The following WDR37 variants were observed in gnomAD, a reference collection of about 807,000 sequenced individuals.
The protein encoded by WDR37 is WD repeat-containing protein 37.
Under a neutral mutation model 62.9 loss-of-function variants are expected in WDR37, and 19 were observed. The ratio of observed to expected loss-of-function variants is 0.30; its 90% CI spans 0.21 to 0.44. WDR37 has a LOEUF of 0.44. WDR37 is among the 20% of genes least tolerant of loss of function. The pLI, the probability that WDR37 is intolerant of heterozygous loss-of-function variation, is 1.00. For missense variants in WDR37, 474 were observed against 657.6 expected, an observed-to-expected ratio of 0.72 and a Z score of 3.05; for synonymous variants, 250 against 260.9, an observed-to-expected ratio of 0.96 and a Z score of 0.40.
At chr10:1,096,732 G>T (rs1157268527) in intron 9 of WDR37, 1 of 156,006 alleles carries the variant, frequency 6.4e-6, no homozygotes, top group Non-Finnish European at 1.4e-5. Flanking sequence ...CCGACGGTGT[G>T]GACCTGGCTT....
chr10:1,127,080 G>A (rs1298673220), intron 13 of WDR37, among the ~76,000 whole-genome samples: 1 of 152,180 alleles, frequency 6.6e-6, no homozygotes. Flanking sequence ...TTTTCAATGT[G>A]CCCATGCGGA....
chr10:1,118,967 T>C (rs879502864), intron 11 of WDR37, among the ~76,000 whole-genome samples: 2 of 152,192 alleles, frequency 1.3e-5, no homozygotes, highest in Non-Finnish European at 2.9e-5. Context: ...TACTTACTGC[T>C]CCTGAACATT....
In WDR37 at chr10:1,131,065, A is replaced by G. The variant is rs1216095340; in HGVS notation, c.*1721A>G. The G allele has an allele frequency of 6.6e-6, 1 of 152,248 alleles. No homozygotes were observed. Among genetic ancestry groups the G allele is most frequent in the East Asian group, 1.9e-4 (1 of 5,204 alleles). 9.4% of individuals were successfully genotyped at this position (152,248 alleles called of 1,614,324 possible). A position where few individuals can be genotyped will look rare whatever the true frequency, so the allele number is the denominator to read the frequency against. ...ATTATTTCCTGACTGCACTGTTCTG[A>G]GAATGGAGTCCACCTGGTCCCTCTG... On this transcript the variant is annotated 3_prime_UTR_variant, in exon 14 of 14. Coordinates refer to ENST00000263150, the MANE Select transcript of WDR37 (RefSeq NM_014023.4).
chr10:1,089,891 G>C (rs976743580), intron 7 of WDR37, among the ~76,000 whole-genome samples: 7 of 152,232 alleles, frequency 4.6e-5, no homozygotes, highest in African/African-American at 1.4e-4. Context: ...GAAGACGCCT[G>C]TGTTTCTGGC....
intron 5 of WDR37, among the ~76,000 whole-genome samples, chr10:1,082,664 A>G (rs1355924384): frequency 6.6e-6 from 1 of 152,126 alleles, no homozygotes; most frequent in African/African-American, 2.4e-5. Context: ...CAGCTTTTCT[A>G]AGGAAAAAGA....
intron 7 of WDR37, 23 bp downstream of exon 7, chr10:1,086,380 C>G (rs371905927): frequency 2.5e-6 from 4 of 1,599,046 alleles, no homozygotes; most frequent in Non-Finnish European, 3.4e-6. Flanking sequence ...TAAGGAGTGC[C>G]GTAGCCAGAG....
Position 1,103,852 on chromosome 10 carries a change from G to C in WDR37, c.961+16G>C. The stretch of plus-strand genomic sequence containing the variant: ...TCTCTGACAGGTGCCTGGGTTCTCT[G>C]AGTCCGCCGCCTCCTGGCTGTGCAT... On this transcript the variant is annotated intron_variant, in intron 10 of 13. Transcript: ENST00000263150. The surrounding 1 kb of genome is among the most constrained non-coding windows in gnomAD (Gnocchi z 6.3). 6.2e-7 allele frequency: 1 copy of C among 1,612,460 alleles called. No homozygotes were observed. Among genetic ancestry groups the C allele is most frequent in the Non-Finnish European group, 8.5e-7 (1 of 1,178,720 alleles).
intron 8 of WDR37, among the ~76,000 whole-genome samples, chr10:1,094,502 G>C (rs1025547131): frequency 6.6e-6 from 1 of 152,222 alleles, no homozygotes; most frequent in African/African-American, 2.4e-5. Flanking sequence ...GTTAGCCTGA[G>C]AGTCATTTTG....
At chr10:1,081,688 A>G (rs1834034906) in intron 5 of WDR37, among the ~76,000 whole-genome samples, 2 of 152,272 alleles carry the variant, frequency 1.3e-5, no homozygotes, top group African/African-American at 2.4e-5. Flanking sequence ...TATACTTACA[A>G]GTTTTGAACT....
intron 11 of WDR37, among the ~76,000 whole-genome samples, chr10:1,108,685 G>T (rs1345296362): frequency 2.0e-5 from 3 of 148,950 alleles, no homozygotes; most frequent in African/African-American, 7.5e-5. Context: ...CCTGCACTTT[G>T]TTGGTGTTGG....
chr10:1,069,389 A>ATTTT (rs377212232), intron 1 of WDR37, among the ~76,000 whole-genome samples: 9 of 95,778 alleles, frequency 9.4e-5, no homozygotes, highest in African/African-American at 3.7e-4. Flanking sequence ...ATATATATAT[A>ATTTT]TTTTTTTTTT....
chr10:1,129,069 T>G lies in WDR37; in HGVS notation c.1354-144T>G. On this transcript the variant is annotated intron_variant, in intron 13 of 13. Coordinates refer to ENST00000263150, the MANE Select transcript of WDR37 (RefSeq NM_014023.4). The stretch of plus-strand genomic sequence containing the variant: ...TCCATGCTTGGTGGTCCGTGCTCGG[T>G]GGTCCATGGGACTGATCCTGCACAC... 3 of 1,156,350 alleles carry G rather than the reference T, an allele frequency of 2.6e-6. No individual in the cohort carries two copies. The African/African-American group carries it at 4.7e-5, about 18-fold the overall frequency. 71.6% of individuals were successfully genotyped at this position (1,156,350 alleles called of 1,614,324 possible). A position where few individuals can be genotyped will look rare whatever the true frequency, so the allele number is the denominator to read the frequency against.
At chr10:1,072,004 G>C in intron 1 of WDR37, 112 bp from the exon 2 acceptor site, 1 of 762,482 alleles carries the variant, frequency 1.3e-6, no homozygotes, top group Non-Finnish European at 2.0e-6. Flanking sequence ...TATAGTTAAT[G>C]TTAACTATAG....
intron 5 of WDR37, among the ~76,000 whole-genome samples, chr10:1,083,892 A>T (rs1483808787): frequency 6.6e-6 from 1 of 152,120 alleles, no homozygotes. Context: ...ATTCCTCCCC[A>T]CCACAGGCTT....
intron 1 of WDR37, among the ~76,000 whole-genome samples, chr10:1,069,389 A>ATATATATATATATATTTTTTTTTTTTTTT: frequency 2.1e-5 from 2 of 95,776 alleles, no homozygotes; most frequent in East Asian, 3.4e-4. Flanking sequence ...ATATATATAT[A>ATATATATATATATATTTTTTTTTTTTTTT]TTTTTTTTTT....
intron 7 of WDR37, among the ~76,000 whole-genome samples, chr10:1,087,896 T>C (rs1334474485): frequency 6.6e-6 from 1 of 152,240 alleles, no homozygotes; most frequent in African/African-American, 2.4e-5. Context: ...AATATAAGGC[T>C]GTTTGTTTGC....
At chr10:1,095,919 T>C (rs1834559822) in intron 8 of WDR37, among the ~76,000 whole-genome samples, 1 of 152,256 alleles carries the variant, frequency 6.6e-6, no homozygotes, top group East Asian at 1.9e-4. Flanking sequence ...TCCAGGACTT[T>C]CTATGCTAAA....
At chr10:1,095,141 CTG>C (rs761790358) in intron 8 of WDR37, among the ~76,000 whole-genome samples, 1 of 141,820 alleles carries the variant, frequency 7.1e-6, no homozygotes, top group Non-Finnish European at 1.5e-5. Flanking sequence ...GAGGGTTAGA[CTG>C]GGAAAGATGA....
Position 1,112,451 on chromosome 10 carries a change from A to G in WDR37, c.1103+7184A>G, listed in dbSNP as rs561821055. ...ACACAACACTGTTGAAATTAGGCCA[A>G]TTAACATCCCTATAGCAGCCTCTCA... On this transcript the variant is annotated intron_variant, in intron 11 of 13. Coordinates refer to ENST00000263150, the MANE Select transcript of WDR37 (RefSeq NM_014023.4). Among the ~76,000 whole-genome samples the G allele has an allele frequency of 1.1e-3, 160 of 152,308 alleles. 1 individual carries two copies. The highest frequency in any genetic ancestry group is 6.8e-3 in the Middle Eastern group (2 of 294).
Sources: gnomAD v4.1 joint callset for allele counts (sites outside exome capture counted in the v4.1 genomes callset) on GRCh38, gnomAD v4.1.1 for gene constraint, Gnocchi (gnomAD v3.1) non-coding constraint, MANE v1.5 for transcripts, NCBI Gene and HGNC (gene_info 2026-07-23, HGNC 2026-07-21) for gene names.